Variants in IGF2R observed in about 807,000 individuals in gnomAD.
IGF2R encodes the protein cation-independent mannose-6-phosphate receptor.
A neutral mutation model predicts 270.6 loss-of-function variants in IGF2R; 91 were observed. The ratio of observed to expected loss-of-function variants is 0.34; its 90% confidence interval spans 0.28 to 0.40. The LOEUF (loss-of-function observed/expected upper bound fraction) is 0.40. Ranked by LOEUF, IGF2R falls within the 10% of genes least tolerant of loss-of-function variation. The pLI is 1.00. For synonymous variants in IGF2R, 1,316 were observed against 1,258.9 expected, an observed-to-expected ratio of 1.05 and a Z score of -0.96; for missense variants, 2,805 against 3,188.3, an observed-to-expected ratio of 0.88 and a Z score of 2.90.
chr6:160,012,764 T>TATATATATATATATATATATATA (rs538085462), intron 4 of IGF2R, among the ~76,000 whole-genome samples: 11 of 60,412 alleles, frequency 1.8e-4, no homozygotes, highest in South Asian at 1.3e-3. Context: ...TATATATATA[T>TATATATATATATATATATATATA]TTTTTTTTTT....
At chr6:160,076,820 AAT>A (rs1778864492) in intron 36 of IGF2R, among the ~76,000 whole-genome samples, 2 of 152,092 alleles carry the variant, frequency 1.3e-5, no homozygotes, top group Admixed American at 6.6e-5. Context: ...CAGAAATATT[AAT>A]ATGTTTGATC....
intron 4 of IGF2R, among the ~76,000 whole-genome samples, chr6:160,011,463 A>C (rs906115945): frequency 2.0e-5 from 3 of 150,866 alleles, no homozygotes; most frequent in African/African-American, 7.3e-5. Flanking sequence ...ACCTATATGT[A>C]TTATGTGCAA....
intron 19 of IGF2R, among the ~76,000 whole-genome samples, chr6:160,054,107 G>C (rs971204587): frequency 4.6e-5 from 7 of 152,184 alleles, no homozygotes; most frequent in Non-Finnish European, 1.0e-4. Context: ...GGCCATTTCT[G>C]ACAGGCTGGG....
intron 4 of IGF2R, among the ~76,000 whole-genome samples, chr6:160,011,336 A>T (rs1201094414): frequency 1.3e-5 from 2 of 152,188 alleles, no homozygotes; most frequent in East Asian, 1.9e-4. Flanking sequence ...CAGAGACTAG[A>T]TTACTAGGTT....
At chr6:159,984,138 G>T (rs1353116206) in intron 1 of IGF2R, among the ~76,000 whole-genome samples, 1 of 152,194 alleles carries the variant, frequency 6.6e-6, no homozygotes, top group Non-Finnish European at 1.5e-5. Flanking sequence ...ACCATTCTGA[G>T]AATTCTGCCT....
chr6:160,011,360 C>T (rs990895749), intron 4 of IGF2R, among the ~76,000 whole-genome samples: 16 of 152,116 alleles, frequency 1.1e-4, no homozygotes, highest in African/African-American at 3.6e-4. Context: ...GTTACTATTA[C>T]GTCCACCCCT....
chr6:159,984,954 T>C (rs1292709749), intron 1 of IGF2R, among the ~76,000 whole-genome samples: 7 of 152,246 alleles, frequency 4.6e-5, no homozygotes, highest in Non-Finnish European at 2.9e-5. Flanking sequence ...AACTTAATCA[T>C]GGGTATGTAT....
chr6:160,058,776 GA>G, intron 21 of IGF2R, 129 bp from the exon 22 acceptor site: 1 of 774,586 alleles, frequency 1.3e-6, no homozygotes, highest in Non-Finnish European at 2.1e-6. Context: ...CCAGAAAGTG[GA>G]AAGTTGGCAA....
At chr6:160,064,758 A>T (rs749731755) in intron 28 of IGF2R, 46 bp from the exon 29 acceptor site, 1 of 1,357,934 alleles carries the variant, frequency 7.4e-7, no homozygotes, top group East Asian at 2.3e-5. Context: ...TATAAACTAA[A>T]GTTTTGCATT....
rs369895951 is a variant in IGF2R, at chr6:160,039,809, G to A, written c.1316-751G>A. Among the ~76,000 whole-genome samples, 6 of 152,246 alleles carry A rather than the reference G, an allele frequency of 3.9e-5. No homozygotes were observed. In the East Asian group the frequency reaches 9.6e-4, roughly 24 times the overall value. ...GTCAGCAAAGCCTCTGAATCTCAGC[G>A]TCCATGGGATGGGGACGTGGCCTGT... On this transcript the variant is annotated intron_variant, in intron 10 of 47. Coordinates refer to ENST00000356956, the MANE Select transcript of IGF2R (RefSeq NM_000876.4).
intron 2 of IGF2R, among the ~76,000 whole-genome samples, chr6:159,996,303 A>G (rs1784052721): frequency 6.6e-6 from 1 of 152,182 alleles, no homozygotes; most frequent in Admixed American, 6.5e-5. Context: ...TTTATGGGTA[A>G]AAACCAGCTG....
At chr6:160,098,643 AC>A (rs1233862534) in intron 45 of IGF2R, among the ~76,000 whole-genome samples, 1 of 152,036 alleles carries the variant, frequency 6.6e-6, no homozygotes, top group African/African-American at 2.4e-5. Flanking sequence ...ACATGGTGAA[AC>A]CCCGTCTCTA....
At chr6:160,089,313 C>T (rs150229069) in intron 43 of IGF2R, 60 bp downstream of exon 43, 32 of 1,473,460 alleles carry the variant, frequency 2.2e-5, no homozygotes, top group Middle Eastern at 4.2e-4. Flanking sequence ...CCAGCAATGC[C>T]GCTCTTTCCC....
chr6:160,078,501 C>T (rs1778903903), intron 37 of IGF2R, 139 bp downstream of exon 37: 3 of 775,166 alleles, frequency 3.9e-6, no homozygotes, highest in Non-Finnish European at 6.3e-6. Context: ...TCTTGGTGCT[C>T]TCGTAGGGCA....
rs1253194508 is a variant in IGF2R at position 160,017,190 on chromosome 6, T to C, written c.513+6405T>C. ...TTTTAAAAAAATCAAGTAGAATTTC[T>C]AGAAATGAAAAATTTATTATAGGAA... On this transcript the variant is annotated intron_variant, in intron 4 of 47. Transcript: ENST00000356956. Among the ~76,000 whole-genome samples, 23 of 152,290 alleles carry C rather than the reference T, an allele frequency of 1.5e-4. No homozygotes were observed. In the East Asian group the frequency reaches 3.9e-3, roughly 26 times the overall value.
At chr6:160,065,988 C>A (rs943563735) in intron 29 of IGF2R, among the ~76,000 whole-genome samples, 1 of 146,688 alleles carries the variant, frequency 6.8e-6, no homozygotes, top group Non-Finnish European at 1.5e-5. Context: ...ACAGACACCA[C>A]CATGCCTGGC....
rs529361339 is a variant in IGF2R, at chr6:160,103,314, CTG to C, written c.6996-430_6996-429del. On this transcript the variant is annotated intron_variant, in intron 46 of 47. Transcript: ENST00000356956. ...CTAGCCTGGGCAACACAGTGAGACT[CTG>C]TCCAAAAAAAAAAAAAAAGTACCGA... Among the ~76,000 whole-genome samples, 66 of 149,230 alleles carry C rather than the reference CTG, an allele frequency of 4.4e-4. No individual in the cohort carries two copies. In the East Asian group the frequency reaches 0.011, roughly 25 times the overall value.
At chr6:160,031,610 C>A (rs563309083) in intron 7 of IGF2R, among the ~76,000 whole-genome samples, 1 of 152,080 alleles carries the variant, frequency 6.6e-6, no homozygotes, top group African/African-American at 2.4e-5. Flanking sequence ...TTACGGAGCC[C>A]TGGGGTCTGC....
chr6:160,041,432 T>C (rs113441591), intron 11 of IGF2R, among the ~76,000 whole-genome samples: 2 of 151,856 alleles, frequency 1.3e-5, no homozygotes, highest in African/African-American at 4.8e-5. Flanking sequence ...AGTTGAACAT[T>C]GAGAACACAT....
Sources: gnomAD v4.1 joint callset for allele counts (sites outside exome capture counted in the v4.1 genomes callset) on GRCh38, gnomAD v4.1.1 for gene constraint, MANE v1.5 for transcripts, NCBI Gene and HGNC (gene_info 2026-07-23, HGNC 2026-07-21) for gene names.